FANCM: variants seen among roughly 807,000 people sequenced by gnomAD.
The protein encoded by FANCM is Fanconi anemia group M protein.
FANCM carries 140 observed loss-of-function variants against 199.5 expected under a neutral mutation model. The ratio of observed to expected loss-of-function variants is 0.70; its 90% CI spans 0.61 to 0.81. The LOEUF (loss-of-function observed/expected upper bound fraction) is 0.81. FANCM is among the 30% of genes least tolerant of loss of function. FANCM has a pLI of 0.00. For missense variants in FANCM, 2,410 were observed against 2,421.4 expected (o/e 1.00, Z 0.10); for synonymous variants, 840 against 836.8 (o/e 1.00, Z -0.07).
Position 45,188,842 on chromosome 14 carries a change from G to T in FANCM, c.4820G>T (p.Cys1607Phe), listed in dbSNP as rs769869730. 6.2e-7 allele frequency: 1 copy of T among 1,613,298 alleles called. No individual in the cohort carries two copies. The highest frequency in any genetic ancestry group is 8.5e-7 in the Non-Finnish European group (1 of 1,179,814). Reference protein sequence around the residue: ...QDETYLEDSFCVDEEESCKGQ... With the variant: ...QDETYLEDSFFVDEEESCKGQ... Reference sequence around the variant, plus strand: ...GAAACCTATTTAGAGGATAGTTTTTGTGTTGATGAAGAGGAGTCTTGCAAA... The same window carrying T: ...GAAACCTATTTAGAGGATAGTTTTTTTGTTGATGAAGAGGAGTCTTGCAAA... The change falls in exon 20 of 23, where the codon TGT becomes TTT. Residue 1607 changes from cysteine (C) to phenylalanine (F), a missense_variant. By Grantham distance (205) the Cys-to-Phe change is radical. Coordinates refer to ENST00000267430, the MANE Select transcript of FANCM (RefSeq NM_020937.4).
Position 45,175,623 on chromosome 14 carries a change from T to C in FANCM, c.2869T>C (p.Ser957Pro), listed in dbSNP as rs1888628299. The C allele has an allele frequency of 1.2e-6, 2 of 1,613,612 alleles. No homozygotes were observed. The highest frequency in any genetic ancestry group is 1.7e-6 in the Non-Finnish European group (2 of 1,179,694). ...NSFNDEKSVS[S>P]NLFLPFEEEL... ...TTTCAATGATGAAAAATCTGTTTCATCTAACTTATTTCTTCCATTCGAAGA... is the reference window on the plus strand; with the variant it reads ...TTTCAATGATGAAAAATCTGTTTCACCTAACTTATTTCTTCCATTCGAAGA... The change falls in exon 14 of 23, where the codon TCT becomes CCT. Residue 957 changes from serine (S) to proline (P), a missense_variant. Ser to Pro is a moderately conservative substitution (Grantham distance 74, BLOSUM62 -1). Coordinates refer to ENST00000267430, the MANE Select transcript of FANCM (RefSeq NM_020937.4).
Position 45,136,595 on chromosome 14 carries a change from G to A in FANCM, c.508+56G>A. On this transcript the variant is annotated intron_variant, in intron 1 of 22. Coordinates refer to ENST00000267430, the MANE Select transcript of FANCM (RefSeq NM_020937.4). Reference sequence around the variant, plus strand: ...GAGCTGGGAATTCCTGACCCATGTGGAATAGTTCCCAAGCTACAACATGTG... The same window carrying A: ...GAGCTGGGAATTCCTGACCCATGTGAAATAGTTCCCAAGCTACAACATGTG... 2.6e-6 allele frequency: 4 copies of A among 1,535,286 alleles called. No individual in the cohort carries two copies. The South Asian group carries it at 3.4e-5, about 13-fold the overall frequency.
At chr14:45,185,644 C>T (rs892863085) in intron 18 of FANCM, among the ~76,000 whole-genome samples, 2 of 151,960 alleles carry the variant, frequency 1.3e-5, no homozygotes, top group East Asian at 1.9e-4. Context: ...GTTTATTGCC[C>T]GCTACATGCC....
chr14:45,185,631 A>G (rs912509398), intron 18 of FANCM, among the ~76,000 whole-genome samples: 1 of 152,158 alleles, frequency 6.6e-6, no homozygotes, highest in Non-Finnish European at 1.5e-5. Context: ...TCATTTCACA[A>G]GTGTTTATTG....
At chr14:45,142,233 G>C (rs1886019355) in intron 3 of FANCM, among the ~76,000 whole-genome samples, 1 of 151,838 alleles carries the variant, frequency 6.6e-6, no homozygotes, top group Non-Finnish European at 1.5e-5. Context: ...TCTGCTCCAG[G>C]GTTCAGTCTG....
rs558007838 is a variant in FANCM at position 45,141,352 on chromosome 14, A to G, written c.759+643A>G. 3.3e-5 allele frequency among the ~76,000 whole-genome samples: 5 copies of G among 151,914 alleles called. No homozygotes were observed. In the East Asian group the frequency reaches 9.7e-4, roughly 29 times the overall value. The stretch of plus-strand genomic sequence containing the variant: ...ACATAAATGAATAATCCAAATAATA[A>G]GAACTTTTATATGGGGCCAGATCAG... On this transcript the variant is annotated intron_variant, in intron 3 of 22. Transcript: ENST00000267430.
chr14:45,165,781 A>G (rs1887926212), intron 10 of FANCM, among the ~76,000 whole-genome samples: 1 of 152,084 alleles, frequency 6.6e-6, no homozygotes. Flanking sequence ...CTCTCCATTC[A>G]CTTGTTAGGT....
chr14:45,148,171 C>T (rs986660659), intron 3 of FANCM, among the ~76,000 whole-genome samples: 6 of 150,002 alleles, frequency 4.0e-5, no homozygotes, highest in South Asian at 2.1e-4. Flanking sequence ...TGCTCCAGCC[C>T]GGGTGACAGA....
chr14:45,162,111 T>C (rs1299852586), intron 9 of FANCM, among the ~76,000 whole-genome samples: 1 of 152,114 alleles, frequency 6.6e-6, no homozygotes, highest in African/African-American at 2.4e-5. Flanking sequence ...AAAGGCCAGG[T>C]GTGGTGGCTC....
chr14:45,139,364 T>G (rs1432286417), intron 2 of FANCM, among the ~76,000 whole-genome samples: 1 of 152,200 alleles, frequency 6.6e-6, no homozygotes, highest in Non-Finnish European at 1.5e-5. Context: ...TTGTCTTGGG[T>G]TGAAATTGGA....
At chr14:45,162,397 A>C (rs1887669953) in intron 9 of FANCM, among the ~76,000 whole-genome samples, 1 of 152,198 alleles carries the variant, frequency 6.6e-6, no homozygotes, top group Admixed American at 6.5e-5. Flanking sequence ...GGACCAGCTT[A>C]TTTCCCCCAC....
Position 45,170,654 on chromosome 14 carries a change from A to T in FANCM, c.2068A>T (p.Arg690Ter). 3.7e-6 allele frequency: 6 copies of T among 1,603,164 alleles called. No individual in the cohort carries two copies. Among genetic ancestry groups the T allele is most frequent in the Non-Finnish European group, 5.1e-6 (6 of 1,170,230 alleles). The stretch of plus-strand genomic sequence containing the variant: ...AGAAGAAGAATTTAAATTATGGAAC[A>T]GACTTTATAGATTAAGGGACAGTGA... ...LSEEEFKLWN[R>*]LYRLRDSDEI... Residue 690 changes from arginine (R) to a stop codon, truncating the protein, a stop_gained, in exon 12 of 23, where the codon AGA (arginine) becomes TGA (stop). Transcript: ENST00000267430. LOFTEE classifies it high-confidence loss of function.
In FANCM at chr14:45,196,367, G is replaced by C; in HGVS notation, c.5536G>C (p.Glu1846Gln). 1 of 1,614,160 alleles carries C rather than the reference G, an allele frequency of 6.2e-7. No individual in the cohort carries two copies. The highest frequency in any genetic ancestry group is 8.5e-7 in the Non-Finnish European group (1 of 1,180,014). ...AAGAGCAATTCATGGGTTGCAAGTA[G>C]AAGTTTGTCCTCTTAATGGCTGTGA... is the stretch of plus-strand genomic sequence containing the variant. ...SLRAIHGLQV[E>Q]VCPLNGCDYI... The change falls in exon 21 of 23, where the codon GAA becomes CAA. Residue 1846 changes from glutamate (E) to glutamine (Q), a missense_variant. Physicochemically the swap from Glu to Gln is conservative, Grantham distance 29. Coordinates refer to ENST00000267430, the MANE Select transcript of FANCM (RefSeq NM_020937.4).
intron 16 of FANCM, among the ~76,000 whole-genome samples, chr14:45,183,121 C>A (rs1039693042): frequency 6.6e-6 from 1 of 152,182 alleles, no homozygotes; most frequent in East Asian, 1.9e-4. Context: ...ATTGTGTACT[C>A]ATATAAGACT....
At chr14:45,190,691 A>T (rs984206874) in intron 20 of FANCM, among the ~76,000 whole-genome samples, 18 of 149,028 alleles carry the variant, frequency 1.2e-4, no homozygotes, top group Admixed American at 4.0e-4. Context: ...AATGGTCCTC[A>T]TATTTGTGTT....
Position 45,166,959 on chromosome 14 carries a change from CAG to C in FANCM, c.1801_1802del (p.Gln602ValfsTer8), listed in dbSNP as rs1942242685. ...SEGREERIYN[Q>X]SQSNKRSIYK... ...CTATTTGTTTTTACAGATTTATAATCAGAGTCAGTCCAACAAAAGAAGTATAT... is the reference window on the plus strand; with the variant it reads ...CTATTTGTTTTTACAGATTTATAATCAGTCAGTCCAACAAAAGAAGTATAT... On this transcript the variant is annotated frameshift_variant, in exon 11 of 23. Transcript: ENST00000267430. LOFTEE classifies it high-confidence loss of function. The C allele has an allele frequency of 6.6e-7, 1 of 1,522,660 alleles. No individual in the cohort carries two copies. Among genetic ancestry groups the C allele is most frequent in the Admixed American group, 1.7e-5 (1 of 59,816 alleles). 94.3% of individuals were successfully genotyped at this position (1,522,660 alleles called of 1,614,324 possible).
Position 45,153,924 on chromosome 14 carries a change from TACA to T in FANCM, c.1060_1062del (p.Gln354del), listed in dbSNP as rs1399993477. 3 of 1,610,430 alleles carry T rather than the reference TACA, an allele frequency of 1.9e-6. No homozygotes were observed. Among genetic ancestry groups the T allele is most frequent in the East Asian group, 2.2e-5 (1 of 44,796 alleles). On this transcript the variant is annotated inframe_deletion, in exon 6 of 23. Coordinates refer to ENST00000267430, the MANE Select transcript of FANCM (RefSeq NM_020937.4). Reference sequence around the variant, plus strand: ...TGACATATGCTGTTTTTCTAGGGAATACAACAAGGCATAATCGAGGGAGAGTTT... The same window carrying T: ...TGACATATGCTGTTTTTCTAGGGAATACAAGGCATAATCGAGGGAGAGTTT...
rs1263924428 is a variant in FANCM, at chr14:45,175,073, A to G, written c.2319A>G (p.Gly773=). ...TTTTAAATTTTCCTTATTTATAGGG[A>G]GAATGCAGCTATGAATTGGAAGTTG... The part of the protein sequence containing the change: ...QMIEGMRHEE[G]ECSYELEVES... The change falls in exon 14 of 23, where the codon GGA becomes GGG. Residue 773 remains glycine, a splice_region_variant and synonymous_variant. Coordinates refer to ENST00000267430, the MANE Select transcript of FANCM (RefSeq NM_020937.4). 6.3e-7 allele frequency: 1 copy of G among 1,597,940 alleles called. No individual in the cohort carries two copies. Among genetic ancestry groups the G allele is most frequent in the South Asian group, 1.1e-5 (1 of 90,326 alleles).
rs1888599671 is a variant in FANCM at position 45,175,338 on chromosome 14, A to G, written c.2584A>G (p.Lys862Glu). 1 of 1,559,474 alleles carries G rather than the reference A, an allele frequency of 6.4e-7. No homozygotes were observed. Among genetic ancestry groups the G allele is most frequent in the South Asian group, 1.2e-5 (1 of 83,126 alleles). ...AAAGAAAAAAGTGTCTAAAGAAATAAAAAAAGATCAGCTTAAAAAAGAAAA... is the reference window on the plus strand; with the variant it reads ...AAAGAAAAAAGTGTCTAAAGAAATAGAAAAAGATCAGCTTAAAAAAGAAAA... Reference protein sequence around the residue: ...SLKKKVSKEIKKDQLKKENNH... With the variant: ...SLKKKVSKEIEKDQLKKENNH... The change falls in exon 14 of 23, where the codon AAA (lysine) becomes GAA (glutamate). Residue 862 changes from lysine (K) to glutamate (E), a missense_variant. Coordinates refer to ENST00000267430, the MANE Select transcript of FANCM (RefSeq NM_020937.4).
Sources: gnomAD v4.1 joint callset for allele counts (sites outside exome capture counted in the v4.1 genomes callset) on GRCh38, gnomAD v4.1.1 for gene constraint, MANE v1.5 for transcripts, NCBI Gene and HGNC (gene_info 2026-07-23, HGNC 2026-07-21) for gene names.